The following PLPPR1 variants were observed in gnomAD, a reference collection of about 807,000 sequenced individuals.
PLPPR1 encodes phospholipid phosphatase-related protein type 1.
PLPPR1 carries 10 observed loss-of-function variants against 33.1 expected under a neutral mutation model. The ratio of observed to expected loss-of-function variants is 0.30; its 90% CI spans 0.19 to 0.51. PLPPR1 has a LOEUF of 0.51. PLPPR1 is among the 20% of genes least tolerant of loss of function. PLPPR1 has a pLI of 0.97. For synonymous variants in PLPPR1, 151 were observed against 151.0 expected (o/e 1.00, Z 0.00); for missense variants, 304 against 408.1 (o/e 0.74, Z 2.20).
In PLPPR1 at chr9:101,209,303, G is replaced by A. The variant is rs780081157; in HGVS notation, c.63+23746G>A. On this transcript the variant is annotated intron_variant, in intron 2 of 7. Coordinates refer to ENST00000374874, the MANE Select transcript of PLPPR1 (RefSeq NM_207299.2). ...AATGAAATGAATAAACTAAGCATGAGGTCTGTGGATTCAAAGAGGTGGACT... is the reference window on the plus strand; with the variant it reads ...AATGAAATGAATAAACTAAGCATGAAGTCTGTGGATTCAAAGAGGTGGACT... Among the ~76,000 whole-genome samples the A allele has an allele frequency of 3.2e-4, 49 of 152,194 alleles. 1 individual carries two copies. Among genetic ancestry groups the A allele is most frequent in the Admixed American group, 4.6e-4 (7 of 15,278 alleles).
chr9:101,222,685 C>G (rs1184682365), intron 2 of PLPPR1, among the ~76,000 whole-genome samples: 1 of 152,126 alleles, frequency 6.6e-6, no homozygotes, highest in Non-Finnish European at 1.5e-5. Flanking sequence ...GTATGGAAGT[C>G]AACAGCTGTG....
At chr9:101,082,833 A>G (rs1433246712) in intron 1 of PLPPR1, among the ~76,000 whole-genome samples, 10 of 152,172 alleles carry the variant, frequency 6.6e-5, no homozygotes, top group African/African-American at 2.4e-4. Flanking sequence ...CTTACTTGTA[A>G]AATGGGGATG....
At chr9:101,172,124 G>A (rs1039455019) in intron 1 of PLPPR1, among the ~76,000 whole-genome samples, 10 of 151,938 alleles carry the variant, frequency 6.6e-5, no homozygotes, top group Non-Finnish European at 1.5e-4. Flanking sequence ...GGAACTTCTA[G>A]GGAGTTTCAC....
rs979603986 is a variant in PLPPR1, at chr9:101,106,244, C to T, written c.-46+77142C>T. 8.9e-4 allele frequency among the ~76,000 whole-genome samples: 129 copies of T among 144,690 alleles called. 2 individuals carry two copies. The highest frequency in any genetic ancestry group is 6.4e-3 in the South Asian group (27 of 4,224). The allele number at this position is 144,690 out of a possible 152,430, so 94.9% of individuals were successfully genotyped here. Reference sequence around the variant, plus strand: ...AGTTGATGCAGTTTCTTCCTAGTCTCGATGGTCTTTACATTTTGGCATGAT... The same window carrying T: ...AGTTGATGCAGTTTCTTCCTAGTCTTGATGGTCTTTACATTTTGGCATGAT... On this transcript the variant is annotated intron_variant, in intron 1 of 7. Coordinates refer to ENST00000374874, the MANE Select transcript of PLPPR1 (RefSeq NM_207299.2).
chr9:101,181,518 G>A (rs552845303), intron 1 of PLPPR1, among the ~76,000 whole-genome samples: 79 of 151,122 alleles, frequency 5.2e-4, no homozygotes, highest in African/African-American at 1.9e-3. Flanking sequence ...GCGTTCTCAT[G>A]TTCATTGCAG....
chr9:101,092,844 G>A (rs1564142530), intron 1 of PLPPR1, among the ~76,000 whole-genome samples: 1 of 152,128 alleles, frequency 6.6e-6, no homozygotes, highest in African/African-American at 2.4e-5. Flanking sequence ...ATGAGGTCAC[G>A]AGGCGAGGGT....
chr9:101,180,189 T>G (rs1476903531), intron 1 of PLPPR1, among the ~76,000 whole-genome samples: 3 of 137,782 alleles, frequency 2.2e-5, no homozygotes, highest in Non-Finnish European at 3.2e-5. Flanking sequence ...CACACACATA[T>G]ATACACATAC....
intron 2 of PLPPR1, among the ~76,000 whole-genome samples, chr9:101,188,896 C>CT (rs1826248104): frequency 2.0e-5 from 3 of 151,928 alleles, no homozygotes; most frequent in South Asian, 4.1e-4. Context: ...AAATTTTCAC[C>CT]TTTTTTTCAG....
chr9:101,322,474 A>C (rs1698919187), intron 7 of PLPPR1: 1 of 152,062 alleles, frequency 6.6e-6, no homozygotes. Flanking sequence ...TTACCAATGC[A>C]AGAAAAAAAG....
At chr9:101,234,748 T>C (rs1363036096) in intron 2 of PLPPR1, among the ~76,000 whole-genome samples, 1 of 151,924 alleles carries the variant, frequency 6.6e-6, no homozygotes, top group Non-Finnish European at 1.5e-5. Context: ...AGTGACTTCA[T>C]TGATTTGTGT....
At chr9:101,096,479 A>T (rs1438025865) in intron 1 of PLPPR1, among the ~76,000 whole-genome samples, 2 of 152,204 alleles carry the variant, frequency 1.3e-5, no homozygotes, top group Non-Finnish European at 2.9e-5. Flanking sequence ...TTTGTGAAGC[A>T]TATGTATAAA....
At chr9:101,126,250 C>A (rs1477787162) in intron 1 of PLPPR1, among the ~76,000 whole-genome samples, 1 of 152,200 alleles carries the variant, frequency 6.6e-6, no homozygotes, top group Non-Finnish European at 1.5e-5. Flanking sequence ...GCAGACCATG[C>A]AGTTGAGGAA....
intron 1 of PLPPR1, among the ~76,000 whole-genome samples, chr9:101,126,911 G>A (rs140558539): frequency 2.0e-5 from 3 of 152,096 alleles, no homozygotes; most frequent in Admixed American, 1.3e-4. Flanking sequence ...AACTGAGACT[G>A]GAATTTTTGT....
intron 1 of PLPPR1, chr9:101,125,367 C>T: frequency 5.8e-6 from 1 of 173,538 alleles, no homozygotes. Context: ...CTTGTCTCTA[C>T]TTACTTACTT....
chr9:101,125,265 T>G (rs1287938376), intron 1 of PLPPR1, among the ~76,000 whole-genome samples: 1 of 151,330 alleles, frequency 6.6e-6, no homozygotes, highest in Non-Finnish European at 1.5e-5. Context: ...TATTTATCTC[T>G]ATCTCTATTT....
At chr9:101,316,065 T>C (rs1470811197) in intron 6 of PLPPR1, among the ~76,000 whole-genome samples, 1 of 152,172 alleles carries the variant, frequency 6.6e-6, no homozygotes, top group East Asian at 1.9e-4. Context: ...CCAATAGCCA[T>C]GCAACCAATA....
At chr9:101,261,240 G>A (rs1338534179) in intron 2 of PLPPR1, among the ~76,000 whole-genome samples, 2 of 152,084 alleles carry the variant, frequency 1.3e-5, no homozygotes, top group African/African-American at 4.8e-5. Flanking sequence ...ATCAGTAAGA[G>A]TCATTATTAT....
chr9:101,258,260 T>C (rs1234536991), intron 2 of PLPPR1, among the ~76,000 whole-genome samples: 1 of 152,188 alleles, frequency 6.6e-6, no homozygotes, highest in African/African-American at 2.4e-5. Context: ...CTTGATGTCA[T>C]TGTGGTGTCT....
chr9:101,225,191 A>T (rs573678109), intron 2 of PLPPR1, among the ~76,000 whole-genome samples: 2 of 152,150 alleles, frequency 1.3e-5, no homozygotes, highest in Non-Finnish European at 2.9e-5. Context: ...TGTTACCATG[A>T]ATTTGTGTTT....
Sources: allele counts gnomAD v4.1 joint callset (sites outside exome capture counted in the v4.1 genomes callset), GRCh38; gene constraint gnomAD v4.1.1; transcripts MANE v1.5; gene names NCBI Gene and HGNC (gene_info 2026-07-23, HGNC 2026-07-21).